AIM2: variants seen among roughly 807,000 people sequenced by gnomAD.
AIM2 encodes absent in melanoma 2.
AIM2 carries 30 observed loss-of-function variants against 27.7 expected under a neutral mutation model. That is an observed-to-expected ratio of 1.08 (90% CI 0.81 to 1.47). AIM2 has a LOEUF of 1.47. AIM2 is among the 40% of genes most tolerant of loss of function. The probability of loss-of-function intolerance (pLI) is 0.00; values close to 1 mark genes in which losing one functional copy is unlikely to be tolerated. For synonymous variants in AIM2, 141 were observed against 145.3 expected, an observed-to-expected ratio of 0.97 and a Z score of 0.21; for missense variants, 358 against 411.3, an observed-to-expected ratio of 0.87 and a Z score of 1.12.
intron 1 of AIM2, among the ~76,000 whole-genome samples, chr1:159,145,923 T>C (rs1648192906): frequency 1.3e-5 from 2 of 152,104 alleles, no homozygotes; most frequent in African/African-American, 4.8e-5. Flanking sequence ...CTGGCCAATA[T>C]GGTGAAACCC....
chr1:159,117,470 T>C (rs1557910849), intron 1 of AIM2, among the ~76,000 whole-genome samples: 1 of 152,150 alleles, frequency 6.6e-6, no homozygotes, highest in African/African-American at 2.4e-5. Flanking sequence ...GATTTTTTTA[T>C]AAAACAGAGA....
upstream of AIM2, among the ~76,000 whole-genome samples, chr1:159,079,115 G>A (rs1320966538): frequency 1.3e-5 from 2 of 151,462 alleles, no homozygotes; most frequent in Non-Finnish European, 1.5e-5. Flanking sequence ...CAAATCAGAA[G>A]AAGGAACTTA....
At chr1:159,088,559 C>G (rs927923046) in intron 1 of AIM2, among the ~76,000 whole-genome samples, 2 of 152,140 alleles carry the variant, frequency 1.3e-5, no homozygotes, top group African/African-American at 4.8e-5. Context: ...TGATGTCTGA[C>G]ATGATTTAAA....
At chr1:159,098,458 C>A (rs1246409296) in intron 1 of AIM2, among the ~76,000 whole-genome samples, 1 of 150,702 alleles carries the variant, frequency 6.6e-6, no homozygotes, top group Non-Finnish European at 1.5e-5. Flanking sequence ...GTCATGCTAG[C>A]CACATTCCAA....
At chr1:159,135,703 T>C (rs935371481) in intron 1 of AIM2, among the ~76,000 whole-genome samples, 1 of 152,220 alleles carries the variant, frequency 6.6e-6, no homozygotes, top group Non-Finnish European at 1.5e-5. Flanking sequence ...ACCATTTCCT[T>C]ATTTAAAAGT....
At chr1:159,057,567 A>C (rs141577563), downstream of AIM2, among the ~76,000 whole-genome samples, 278 of 152,298 alleles carry the variant, frequency 1.8e-3, 1 homozygote, top group African/African-American at 5.8e-3. Flanking sequence ...GCTCAGAACT[A>C]GGATGCTGAC....
chr1:159,125,776 G>A (rs1284722089), intron 1 of AIM2, among the ~76,000 whole-genome samples: 2 of 152,170 alleles, frequency 1.3e-5, no homozygotes, highest in Non-Finnish European at 2.9e-5. Context: ...AGAGGAGAGA[G>A]GAAGGTGTTT....
At chr1:159,126,554 C>A (rs1647696250) in intron 1 of AIM2, among the ~76,000 whole-genome samples, 1 of 147,632 alleles carries the variant, frequency 6.8e-6, no homozygotes, top group Non-Finnish European at 1.5e-5. Flanking sequence ...GAGGCTGAGG[C>A]AGGAGAATGG....
chr1:159,114,581 A>G (rs1647281369), intron 1 of AIM2, among the ~76,000 whole-genome samples: 1 of 152,176 alleles, frequency 6.6e-6, no homozygotes, highest in African/African-American at 2.4e-5. Context: ...ATGATGGCGC[A>G]TGCTTGTAAT....
intron 1 of AIM2, among the ~76,000 whole-genome samples, chr1:159,126,648 C>CAG (rs567196253): frequency 8.8e-6 from 1 of 113,682 alleles, no homozygotes; most frequent in Non-Finnish European, 1.7e-5. Context: ...GACTACGTCT[C>CAG]AAAAAAAAAA....
intron 1 of AIM2, among the ~76,000 whole-genome samples, chr1:159,123,922 C>T (rs1204556226): frequency 6.6e-6 from 1 of 152,200 alleles, no homozygotes; most frequent in African/African-American, 2.4e-5. Flanking sequence ...TATTACACAG[C>T]AGGGCTGGGG....
At chr1:159,131,014 C>T (rs1647859672) in intron 1 of AIM2, among the ~76,000 whole-genome samples, 1 of 152,152 alleles carries the variant, frequency 6.6e-6, no homozygotes, top group South Asian at 2.1e-4. Context: ...CTTAATGCCA[C>T]TTCTTCCAGG....
chr1:159,145,842 T>C (rs546496074), intron 1 of AIM2, among the ~76,000 whole-genome samples: 1 of 152,264 alleles, frequency 6.6e-6, no homozygotes, highest in South Asian at 2.1e-4. Flanking sequence ...GCATGGTGGC[T>C]TATGCCTGTA....
chr1:159,105,906 G>A (rs2188118), intron 1 of AIM2, among the ~76,000 whole-genome samples: 13 of 152,008 alleles, frequency 8.6e-5, no homozygotes, highest in African/African-American at 1.9e-4. Flanking sequence ...CCCATGCTTC[G>A]GGCCATCCTT....
chr1:159,102,234 G>T (rs79386295), intron 1 of AIM2, among the ~76,000 whole-genome samples: 1 of 152,244 alleles, frequency 6.6e-6, no homozygotes, highest in Non-Finnish European at 1.5e-5. Flanking sequence ...TAGCTTCCAC[G>T]TGATTTTGGG....
chr1:159,078,730 G>A (rs1224128620), upstream of AIM2, among the ~76,000 whole-genome samples: 2 of 152,174 alleles, frequency 1.3e-5, no homozygotes, highest in Admixed American at 6.5e-5. Flanking sequence ...GGAGGCAACT[G>A]TGCTGAAAAA....
At chr1:159,089,920 G>T (rs182594404) in intron 1 of AIM2, among the ~76,000 whole-genome samples, 3 of 152,164 alleles carry the variant, frequency 2.0e-5, no homozygotes, top group Non-Finnish European at 2.9e-5. Flanking sequence ...TTTCCCAGCT[G>T]CTAGAAGTGT....
intron 1 of AIM2, among the ~76,000 whole-genome samples, chr1:159,087,724 C>A (rs1225518010): frequency 6.6e-6 from 1 of 152,000 alleles, no homozygotes; most frequent in Non-Finnish European, 1.5e-5. Context: ...AAGTGCCCAC[C>A]ACCACGCCCA....
chr1:159,124,765 C>T (rs1647638897), intron 1 of AIM2, among the ~76,000 whole-genome samples: 1 of 152,152 alleles, frequency 6.6e-6, no homozygotes, highest in South Asian at 2.1e-4. Flanking sequence ...GAACCACCAG[C>T]GCACCTCTCT....
Sources: gnomAD v4.1 joint callset for allele counts (sites outside exome capture counted in the v4.1 genomes callset) on GRCh38, gnomAD v4.1.1 for gene constraint, MANE v1.5 for transcripts, NCBI Gene and HGNC (gene_info 2026-07-23, HGNC 2026-07-21) for gene names.